The following SEC14L5 variants were observed in gnomAD, a reference collection of about 807,000 sequenced individuals.
SEC14L5 encodes the protein SEC14-like protein 5.
In SEC14L5, 96 loss-of-function variants were observed where a neutral mutation model predicts 84.6. The observed-to-expected ratio is 1.13, with a 90% CI of 0.96 to 1.34. The LOEUF is 1.34. SEC14L5 is among the 40% of genes most tolerant of loss of function. The probability of loss-of-function intolerance (pLI) is 0.00; values close to 1 mark genes in which losing one functional copy is unlikely to be tolerated. For synonymous variants in SEC14L5, 546 were observed against 383.4 expected (o/e 1.42, Z -4.95); for missense variants, 1,224 against 942.5 (o/e 1.30, Z -3.91).
At chr16:5,003,845 C>G (rs1442803369) in intron 11 of SEC14L5, among the ~76,000 whole-genome samples, 1 of 152,252 alleles carries the variant, frequency 6.6e-6, no homozygotes, top group Non-Finnish European at 1.5e-5. Flanking sequence ...TCGTGGGTCT[C>G]AAATTCCTGG....
In SEC14L5 at chr16:5,011,192, A is replaced by G. The variant is rs1341500466; in HGVS notation, c.1898A>G (p.Asp633Gly). 6.2e-7 allele frequency: 1 copy of G among 1,613,700 alleles called. No homozygotes were observed. Among genetic ancestry groups the G allele is most frequent in the African/African-American group, 1.3e-5 (1 of 75,004 alleles). Reference sequence around the variant, plus strand: ...GCCTGCAGCCTCCCGGGTGTGGACGATGTCCTGACGGCTCTGCACAGCCCC... The same window carrying G: ...GCCTGCAGCCTCCCGGGTGTGGACGGTGTCCTGACGGCTCTGCACAGCCCC... ...SVACSLPGVDDVLTALHSPGP... is the reference protein window; with the variant it reads ...SVACSLPGVDGVLTALHSPGP... Residue 633 changes from aspartate to glycine, a missense_variant, in exon 15 of 16, where the codon GAT becomes GGT. Physicochemically the swap from Asp to Gly is moderately conservative, Grantham distance 94 (BLOSUM62 -1). Coordinates refer to ENST00000251170, the MANE Select transcript of SEC14L5 (RefSeq NM_014692.2).
At chr16:4,990,363 A>G (rs1702992090) in intron 4 of SEC14L5, among the ~76,000 whole-genome samples, 4 of 152,284 alleles carry the variant, frequency 2.6e-5, no homozygotes, top group Middle Eastern at 3.4e-3. Flanking sequence ...GAGTTTCACC[A>G]TGTTGGCCAG....
At chr16:5,013,918 C>G (rs1955838351) in intron 15 of SEC14L5, among the ~76,000 whole-genome samples, 1 of 152,254 alleles carries the variant, frequency 6.6e-6, no homozygotes, top group East Asian at 1.9e-4. Context: ...GTCTCAAACT[C>G]CTGGCCTCAA....
At chr16:4,969,599 G>C (rs1363816610) in intron 2 of SEC14L5, among the ~76,000 whole-genome samples, 2 of 151,556 alleles carry the variant, frequency 1.3e-5, no homozygotes. Flanking sequence ...GGTCAGGCTG[G>C]TCTTGAACTC....
At position 4,996,362 on chromosome 16, in the gene SEC14L5, G is replaced by C; in HGVS notation, c.682G>C (p.Ala228Pro). ...TCTCCTCCAAGGGGACAAGCTGGAT[G>C]CGGACTACATTGAGAGGTGCCTGGG... ...AVSMDGDKLDADYIERCLGHL... is the reference protein window; with the variant it reads ...AVSMDGDKLDPDYIERCLGHL... Residue 228 changes from alanine to proline, a missense_variant, in exon 7 of 16, where the codon GCG (alanine) becomes CCG (proline). Coordinates refer to ENST00000251170, the MANE Select transcript of SEC14L5 (RefSeq NM_014692.2). The C allele has an allele frequency of 6.4e-7, 1 of 1,558,044 alleles. No homozygotes were observed. The highest frequency in any genetic ancestry group is 1.2e-5 in the South Asian group (1 of 84,304).
intron 13 of SEC14L5, 96 bp from the exon 14 acceptor site, chr16:5,008,325 C>T (rs1596644428): frequency 9.3e-6 from 8 of 864,692 alleles, no homozygotes; most frequent in South Asian, 8.8e-5. Context: ...GAAAGGAGAC[C>T]CCAGGGGGCA....
intron 8 of SEC14L5, among the ~76,000 whole-genome samples, chr16:4,997,735 A>G (rs977550131): frequency 6.6e-6 from 1 of 152,200 alleles, no homozygotes; most frequent in Non-Finnish European, 1.5e-5. Context: ...AGGCGTCACC[A>G]GGGCCGTGCT....
chr16:5,001,841 C>T (rs1394406560), intron 10 of SEC14L5, among the ~76,000 whole-genome samples: 1 of 152,018 alleles, frequency 6.6e-6, no homozygotes, highest in Non-Finnish European at 1.5e-5. Flanking sequence ...GGTGCAATCA[C>T]AGCTCACTGC....
At position 5,000,736 on chromosome 16, in the gene SEC14L5, T is replaced by G; in HGVS notation, c.1052T>G (p.Leu351Arg). Residue 351 changes from leucine (L) to arginine (R), a missense_variant, in exon 9 of 16, where the codon CTG (leucine) becomes CGG (arginine). Coordinates refer to ENST00000251170, the MANE Select transcript of SEC14L5 (RefSeq NM_014692.2). Reference sequence around the variant, plus strand: ...AAGGCCGTGGGGGAGGAGGCGCTGCTGCGGCATGTGAGTCAGGGGCCTCGT... The same window carrying G: ...AAGGCCGTGGGGGAGGAGGCGCTGCGGCGGCATGTGAGTCAGGGGCCTCGT... ...LMKAVGEEALLRHVLSVNEEG... is the reference protein window; with the variant it reads ...LMKAVGEEALRRHVLSVNEEG... 6.4e-7 allele frequency: 1 copy of G among 1,552,836 alleles called. No homozygotes were observed. Among genetic ancestry groups the G allele is most frequent in the Non-Finnish European group, 8.7e-7 (1 of 1,147,908 alleles).
At chr16:4,997,181 C>T in intron 8 of SEC14L5, 137 bp downstream of exon 8, 1 of 578,720 alleles carries the variant, frequency 1.7e-6, no homozygotes, top group East Asian at 3.5e-5. Flanking sequence ...TCACCATAAT[C>T]TCCGCTTCCC....
chr16:4,969,835 T>C (rs1955253607), intron 2 of SEC14L5, among the ~76,000 whole-genome samples: 1 of 151,470 alleles, frequency 6.6e-6, no homozygotes, highest in Non-Finnish European at 1.5e-5. Context: ...TTTTTTTTTT[T>C]TGAGACTGGT....
chr16:5,006,297 G>C (rs1173168444), intron 12 of SEC14L5, among the ~76,000 whole-genome samples: 1 of 152,234 alleles, frequency 6.6e-6, no homozygotes, highest in Admixed American at 6.5e-5. Context: ...GAGTGAGATA[G>C]AAGTTTCTGG....
intron 7 of SEC14L5, 126 bp from the exon 8 acceptor site, chr16:4,996,729 G>C: frequency 1.4e-6 from 1 of 735,584 alleles, no homozygotes; most frequent in Non-Finnish European, 2.2e-6. Context: ...ACACCACCAC[G>C]CCTGGCTAAT....
At chr16:4,967,918 TTTCCTTCTTTCC>T (rs1481257100) in intron 2 of SEC14L5, among the ~76,000 whole-genome samples, 28 of 148,408 alleles carry the variant, frequency 1.9e-4, no homozygotes, top group Admixed American at 5.4e-4. Context: ...CCTTCCTTCC[TTTCCTTCTTTCC>T]TTCCTTCACC....
intron 15 of SEC14L5, among the ~76,000 whole-genome samples, chr16:5,013,144 C>G (rs982907980): frequency 6.6e-6 from 1 of 152,048 alleles, no homozygotes; most frequent in Non-Finnish European, 1.5e-5. Flanking sequence ...CAATCACCTC[C>G]CACCAGATCC....
rs1225337737 is a variant in SEC14L5, at chr16:4,987,547, C to T, written c.64-10C>T. The T allele has an allele frequency of 3.2e-6, 5 of 1,543,896 alleles. No individual in the cohort carries two copies. Among genetic ancestry groups the T allele is most frequent in the African/African-American group, 2.8e-5 (2 of 70,952 alleles). On this transcript the variant is annotated splice_polypyrimidine_tract_variant and intron_variant, in intron 2 of 15. Coordinates refer to ENST00000251170, the MANE Select transcript of SEC14L5 (RefSeq NM_014692.2). ...CCCACCACGGCCGCTCACTGCCGCT[C>T]TGCCCCCAGGCCTACGAGAAGCGTT...
intron 15 of SEC14L5, 59 bp downstream of exon 15, chr16:5,011,332 G>A: frequency 5.2e-6 from 8 of 1,530,262 alleles, no homozygotes; most frequent in Non-Finnish European, 1.8e-6. Context: ...GATTGACAAT[G>A]CAGATGCCTG....
chr16:4,974,213 G>A (rs1955313586), intron 2 of SEC14L5, among the ~76,000 whole-genome samples: 1 of 152,042 alleles, frequency 6.6e-6, no homozygotes, highest in African/African-American at 2.4e-5. Context: ...ACACTGGACT[G>A]CATACTTTAT....
intron 2 of SEC14L5, among the ~76,000 whole-genome samples, chr16:4,965,246 T>C (rs1334288630): frequency 6.6e-6 from 1 of 152,242 alleles, no homozygotes; most frequent in Non-Finnish European, 1.5e-5. Flanking sequence ...GACCACATTT[T>C]CTTTATCATT....
Sources: gnomAD v4.1 joint callset for allele counts (sites outside exome capture counted in the v4.1 genomes callset) on GRCh38, gnomAD v4.1.1 for gene constraint, MANE v1.5 for transcripts, NCBI Gene and HGNC (gene_info 2026-07-23, HGNC 2026-07-21) for gene names.